The following PTPRT variants were observed in gnomAD, a reference collection of about 807,000 sequenced individuals.
PTPRT encodes receptor-type tyrosine-protein phosphatase T.
Under a neutral mutation model 176.8 loss-of-function variants are expected in PTPRT, and 56 were observed. The observed-to-expected ratio is 0.32, with a 90% CI of 0.26 to 0.40. The LOEUF is 0.40. Among genes scored for constraint, PTPRT ranks in the 10% least tolerant of loss-of-function variants. The pLI, the probability that PTPRT is intolerant of heterozygous loss-of-function variation, is 1.00. For missense variants in PTPRT, 1,540 were observed against 1,908.2 expected, an observed-to-expected ratio of 0.81 and a Z score of 3.60; for synonymous variants, 783 against 739.0, an observed-to-expected ratio of 1.06 and a Z score of -0.96.
the PTPRT span, among the ~76,000 whole-genome samples, chr20:42,061,125 C>T: frequency 6.6e-6 from 1 of 152,190 alleles, no homozygotes; most frequent in Non-Finnish European, 1.5e-5. Flanking sequence ...TAAACCTTCA[C>T]ATCTCAGTGG....
chr20:43,044,130 A>G (rs988196803), intron 1 of PTPRT, among the ~76,000 whole-genome samples: 3 of 152,130 alleles, frequency 2.0e-5, no homozygotes, highest in Non-Finnish European at 4.4e-5. Flanking sequence ...CAGCCTGAGA[A>G]AATGATTAGG....
intron 1 of PTPRT, among the ~76,000 whole-genome samples, chr20:43,118,106 T>C (rs950880992): frequency 1.3e-5 from 2 of 152,186 alleles, no homozygotes; most frequent in Non-Finnish European, 2.9e-5. Context: ...ATAATAAACA[T>C]TTTCAGCTTG....
chr20:43,173,244 C>A (rs937080616), intron 1 of PTPRT, among the ~76,000 whole-genome samples: 6 of 152,110 alleles, frequency 3.9e-5, no homozygotes, highest in Non-Finnish European at 7.3e-5. Context: ...TGTTAGAAAC[C>A]AAGCATTAAC....
intron 11 of PTPRT, among the ~76,000 whole-genome samples, chr20:42,350,037 T>G (rs1376824506): frequency 1.3e-5 from 2 of 152,122 alleles, no homozygotes. Context: ...CTGAGCAGGT[T>G]GTTTTCAGTA....
Position 42,885,829 on chromosome 20 carries a change from C to T in PTPRT, c.192G>A (p.Met64Ile). 1 of 1,608,778 alleles carries T rather than the reference C, an allele frequency of 6.2e-7. No individual in the cohort carries two copies. The highest frequency in any genetic ancestry group is 1.1e-5 in the South Asian group (1 of 90,982). The change falls in exon 2 of 31, where the codon ATG becomes ATA. Residue 64 changes from methionine (M) to isoleucine (I), a missense_variant. Met to Ile is a conservative substitution (Grantham distance 10). This residue lies in a region of PTPRT where 116 missense variants were observed against 118.5 expected (regional missense o/e 0.98). Coordinates refer to ENST00000373187, the MANE Select transcript of PTPRT (RefSeq NM_007050.6). ...WEQINTWEKPMLDQAVPTGSF... is the reference protein window; with the variant it reads ...WEQINTWEKPILDQAVPTGSF... ...TACCTGTGGGCACTGCCTGGTCCAG[C>T]ATTGGTTTCTCCCATGTGTTAATCT...
At chr20:42,681,791 C>T (rs2075608532) in intron 6 of PTPRT, among the ~76,000 whole-genome samples, 1 of 152,118 alleles carries the variant, frequency 6.6e-6, no homozygotes, top group African/African-American at 2.4e-5. Context: ...GGAGCCAGAC[C>T]TAGGTAAGAG....
At chr20:42,544,917 G>A (rs1434699980) in intron 7 of PTPRT, among the ~76,000 whole-genome samples, 1 of 152,136 alleles carries the variant, frequency 6.6e-6, no homozygotes. Flanking sequence ...ACCTGCCAAA[G>A]TGCTAGGCTA....
chr20:42,267,451 C>CCTGTTTCTTTTTA (rs2056858238), intron 13 of PTPRT, among the ~76,000 whole-genome samples: 2 of 152,292 alleles, frequency 1.3e-5, no homozygotes, highest in Admixed American at 6.5e-5. Flanking sequence ...ATTAGCTTCA[C>CCTGTTTCTTTTTA]CTGTTTCTTT....
chr20:42,300,367 A>C (rs77310105), intron 12 of PTPRT, among the ~76,000 whole-genome samples: 3 of 151,964 alleles, frequency 2.0e-5, no homozygotes, highest in East Asian at 3.9e-4. Flanking sequence ...AATGATTCCC[A>C]CTCGTTCCCA....
chr20:42,358,370 T>C (rs1424932264), intron 9 of PTPRT, among the ~76,000 whole-genome samples: 1 of 152,170 alleles, frequency 6.6e-6, no homozygotes, highest in Admixed American at 6.5e-5. Flanking sequence ...ACTAGGTGCT[T>C]GGCCATGTAC....
chr20:42,528,672 C>G (rs142481047), intron 7 of PTPRT, among the ~76,000 whole-genome samples: 1 of 152,004 alleles, frequency 6.6e-6, no homozygotes, highest in Non-Finnish European at 1.5e-5. Flanking sequence ...GTAGTCCTTA[C>G]GACAATTAAG....
At chr20:42,507,780 G>C (rs181257072) in intron 7 of PTPRT, among the ~76,000 whole-genome samples, 1 of 151,832 alleles carries the variant, frequency 6.6e-6, no homozygotes, top group East Asian at 1.9e-4. Flanking sequence ...GGTTGCAACA[G>C]CAGCCAGAGG....
At chr20:42,871,513 G>A (rs2078846039) in intron 2 of PTPRT, among the ~76,000 whole-genome samples, 1 of 152,064 alleles carries the variant, frequency 6.6e-6, no homozygotes, top group African/African-American at 2.4e-5. Context: ...ATTTGCTCTT[G>A]TCGCCTGTAC....
intron 1 of PTPRT, among the ~76,000 whole-genome samples, chr20:43,073,507 C>T (rs1442666395): frequency 6.6e-6 from 1 of 150,972 alleles, no homozygotes; most frequent in Non-Finnish European, 1.5e-5. Flanking sequence ...GTGCTATACA[C>T]ACGTGTGTAT....
chr20:42,773,261 G>A (rs1455190974), intron 4 of PTPRT, among the ~76,000 whole-genome samples: 4 of 152,320 alleles, frequency 2.6e-5, no homozygotes, highest in Non-Finnish European at 4.4e-5. Flanking sequence ...CTCAGCAAAA[G>A]CCAAGAATCT....
At chr20:42,408,740 C>T (rs1287208410) in intron 9 of PTPRT, among the ~76,000 whole-genome samples, 2 of 152,084 alleles carry the variant, frequency 1.3e-5, no homozygotes, top group African/African-American at 4.8e-5. Context: ...CTAACTATCT[C>T]GGTCTGCCTT....
intron 6 of PTPRT, chr20:42,685,366 T>C (rs2075674676): frequency 6.6e-6 from 1 of 152,120 alleles, no homozygotes; most frequent in African/African-American, 2.4e-5. Flanking sequence ...ATAAGAATGA[T>C]CAGTCCTATG....
intron 6 of PTPRT, among the ~76,000 whole-genome samples, chr20:42,704,023 C>G (rs1483088680): frequency 6.6e-6 from 1 of 152,152 alleles, no homozygotes; most frequent in Non-Finnish European, 1.5e-5. Flanking sequence ...TGATAAGGAA[C>G]AAGATGACTT....
chr20:42,535,873 T>A (rs966561278), intron 7 of PTPRT, among the ~76,000 whole-genome samples: 7 of 152,130 alleles, frequency 4.6e-5, no homozygotes, highest in African/African-American at 1.7e-4. Context: ...GGTGGCCAGA[T>A]CAGGGGCAAC....
Sources: allele counts gnomAD v4.1 joint callset (sites outside exome capture counted in the v4.1 genomes callset), GRCh38; gene constraint gnomAD v4.1.1; regional missense constraint gnomAD v4.1.1; transcripts MANE v1.5; gene names NCBI Gene and HGNC (gene_info 2026-07-23, HGNC 2026-07-21).